Variants in MCTP2 observed in about 807,000 individuals in gnomAD.
The protein encoded by MCTP2 is multiple C2 and transmembrane domain containing 2, also known as multiple C2 and transmembrane domain-containing protein 2.
A neutral mutation model predicts 111.6 loss-of-function variants in MCTP2; 132 were observed. The ratio of observed to expected loss-of-function variants is 1.18; its 90% CI spans 1.03 to 1.37. The LOEUF is 1.37. Among genes scored for constraint, MCTP2 ranks in the 40% most tolerant of loss-of-function variants. The pLI, the probability that MCTP2 is intolerant of heterozygous loss-of-function variation, is 0.00. For synonymous variants in MCTP2, 395 were observed against 387.7 expected (o/e 1.02, Z -0.22); for missense variants, 1,183 against 1,067.9 (o/e 1.11, Z -1.50).
At chr15:94,360,503 A>G (rs1166687126) in intron 10 of MCTP2, among the ~76,000 whole-genome samples, 1 of 152,236 alleles carries the variant, frequency 6.6e-6, no homozygotes, top group Non-Finnish European at 1.5e-5. Context: ...GCAAAGATCA[A>G]TTACGCAAAT....
At chr15:94,347,267 T>G (rs1261910537) in intron 8 of MCTP2, among the ~76,000 whole-genome samples, 1 of 152,138 alleles carries the variant, frequency 6.6e-6, no homozygotes, top group Non-Finnish European at 1.5e-5. Flanking sequence ...TTTTGGTATT[T>G]TTAAATTATC....
At chr15:94,351,264 T>G (rs1596446550) in intron 8 of MCTP2, among the ~76,000 whole-genome samples, 1 of 152,168 alleles carries the variant, frequency 6.6e-6, no homozygotes, top group Admixed American at 6.5e-5. Flanking sequence ...CTTCAGATGA[T>G]AGAGAGGAGC....
chr15:94,401,289 C>G (rs1427565631), intron 16 of MCTP2, among the ~76,000 whole-genome samples: 4 of 152,164 alleles, frequency 2.6e-5, no homozygotes, highest in Non-Finnish European at 5.9e-5. Context: ...GTGACAGGCA[C>G]TTTTCTAAGC....
At chr15:94,471,921 A>G (rs1052572209) in intron 21 of MCTP2, among the ~76,000 whole-genome samples, 1 of 152,238 alleles carries the variant, frequency 6.6e-6, no homozygotes, top group African/African-American at 2.4e-5. Flanking sequence ...GACTCTAACC[A>G]GAATGTGATT....
At chr15:94,456,380 A>C (rs1223851329) in intron 19 of MCTP2, among the ~76,000 whole-genome samples, 2 of 152,234 alleles carry the variant, frequency 1.3e-5, no homozygotes, top group African/African-American at 2.4e-5. Flanking sequence ...ATGACATGGA[A>C]ACTTGAGTCA....
intron 4 of MCTP2, among the ~76,000 whole-genome samples, chr15:94,322,552 A>T (rs1231547960): frequency 6.6e-6 from 1 of 152,246 alleles, no homozygotes; most frequent in Non-Finnish European, 1.5e-5. Flanking sequence ...TTACAAAAAC[A>T]GGCAGTGGTC....
chr15:94,398,998 A>G lies in MCTP2; in HGVS notation c.1826A>G (p.Asn609Ser). ...CAACCGAATTGTTATGTACTAAAGA[A>G]TAAAGATTTAGAACAAGCTTTTAAA... ...DGQPNCYVLK[N>S]KDLEQAFKGV... The change falls in exon 15 of 23, where the codon AAT becomes AGT. Residue 609 changes from asparagine (N) to serine (S), a missense_variant. Asn to Ser is a conservative substitution (Grantham distance 46). Transcript: ENST00000357742. 1 of 1,564,588 alleles carries G rather than the reference A, an allele frequency of 6.4e-7. No individual in the cohort carries two copies. The highest frequency in any genetic ancestry group is 8.8e-7 in the Non-Finnish European group (1 of 1,135,394).
At chr15:94,289,553 C>T (rs1291832304) in intron 1 of MCTP2, among the ~76,000 whole-genome samples, 1 of 152,034 alleles carries the variant, frequency 6.6e-6, no homozygotes, top group Non-Finnish European at 1.5e-5. Context: ...AATACAATAG[C>T]CTTTCTATTT....
chr15:94,358,350 G>A, intron 9 of MCTP2, 132 bp from the exon 10 acceptor site: 1 of 754,394 alleles, frequency 1.3e-6, no homozygotes. Flanking sequence ...TCTAAAAAAA[G>A]AAGTTTACCT....
intron 17 of MCTP2, among the ~76,000 whole-genome samples, chr15:94,435,131 C>T (rs767984357): frequency 6.6e-5 from 10 of 152,118 alleles, no homozygotes; most frequent in Non-Finnish European, 1.5e-4. Context: ...TCCCAAAGTG[C>T]TAGGGTTACA....
rs1389256374 is a variant in MCTP2 at position 94,345,137 on chromosome 15, A to T, written c.978A>T (p.Ser326=). 2 of 1,612,794 alleles carry T rather than the reference A, an allele frequency of 1.2e-6. No homozygotes were observed. The highest frequency in any genetic ancestry group is 4.5e-5 in the East Asian group (2 of 44,790). The change falls in exon 8 of 23, where the codon TCA becomes TCT. Residue 326 remains serine (S), a synonymous_variant. Transcript: ENST00000357742. ...CGGACACAAATCTTTAGCGTTGGTC[A>T]AATCGGAAGCGATTAAGTGCCAGCA... ...KQGDFKRHRW[S]NRKRLSASKS... is the part of the protein sequence containing the mutation.
chr15:94,315,339 C>T (rs2076330039), intron 3 of MCTP2, among the ~76,000 whole-genome samples, 190 bp from the exon 4 acceptor site: 1 of 152,180 alleles, frequency 6.6e-6, no homozygotes, highest in Non-Finnish European at 1.5e-5. Flanking sequence ...TAAAATCCCA[C>T]TGGGGAGAAA....
intron 1 of MCTP2, among the ~76,000 whole-genome samples, chr15:94,283,266 A>T (rs1450880578): frequency 1.3e-5 from 2 of 152,174 alleles, no homozygotes; most frequent in Non-Finnish European, 2.9e-5. Flanking sequence ...CTCAGATCAG[A>T]TTGTTCCTGT....
chr15:94,443,047 C>T (rs865814683), intron 19 of MCTP2, 87 bp downstream of exon 19: 176 of 575,404 alleles, frequency 3.1e-4, no homozygotes, highest in South Asian at 9.5e-4. Context: ...TCTCTCCTCT[C>T]TTTTTTTTTT....
Position 94,298,272 on chromosome 15 carries a change from C to G in MCTP2, c.7C>G (p.Leu3Val). The G allele has an allele frequency of 6.2e-7, 1 of 1,607,638 alleles. No homozygotes were observed. Among genetic ancestry groups the G allele is most frequent in the Non-Finnish European group, 8.5e-7 (1 of 1,177,012 alleles). ...CTTGGGTCTTCATGCAGCCATGGAT[C>G]TGGATAAACCATCTGTTTGGGGCTC... MD[L>V]DKPSVWGSLK... The change falls in exon 2 of 23, where the codon CTG (leucine) becomes GTG (valine). Residue 3 changes from leucine (L) to valine (V), a missense_variant. By Grantham distance (32) the Leu-to-Val change is conservative. Transcript: ENST00000357742.
intron 1 of MCTP2, among the ~76,000 whole-genome samples, chr15:94,238,745 A>T (rs2070734186): frequency 6.6e-6 from 1 of 152,194 alleles, no homozygotes; most frequent in Admixed American, 6.5e-5. Flanking sequence ...CCAAAGTGCC[A>T]CCTAGGCCTG....
At chr15:94,279,029 A>G (rs937916071) in intron 1 of MCTP2, among the ~76,000 whole-genome samples, 1 of 152,104 alleles carries the variant, frequency 6.6e-6, no homozygotes, top group African/African-American at 2.4e-5. Context: ...GCCTTGCAGT[A>G]TAGTTTGAAG....
intron 4 of MCTP2, among the ~76,000 whole-genome samples, chr15:94,335,642 A>T (rs1389692154): frequency 6.6e-6 from 1 of 152,244 alleles, no homozygotes; most frequent in East Asian, 1.9e-4. Context: ...TTATAGAAGG[A>T]TGCCTATTGT....
intron 17 of MCTP2, among the ~76,000 whole-genome samples, chr15:94,436,543 A>G (rs1018124385): frequency 9.9e-5 from 15 of 152,218 alleles, no homozygotes; most frequent in African/African-American, 3.4e-4. Context: ...ATATTTAAAT[A>G]TAACTCAATT....
Sources: allele counts gnomAD v4.1 joint callset (sites outside exome capture counted in the v4.1 genomes callset), GRCh38; gene constraint gnomAD v4.1.1; transcripts MANE v1.5; gene names NCBI Gene and HGNC (gene_info 2026-07-23, HGNC 2026-07-21).